The following UGT3A1 variants were observed in gnomAD, a reference collection of about 807,000 sequenced individuals.
UGT3A1 encodes UDP glycosyltransferase family 3 member A1.
Under a neutral mutation model 37.6 loss-of-function variants are expected in UGT3A1, and 40 were observed. The ratio of observed to expected loss-of-function variants is 1.06; its 90% confidence interval spans 0.83 to 1.38. UGT3A1 has a LOEUF of 1.38. Ranked by LOEUF, UGT3A1 falls within the 40% of genes most tolerant of loss-of-function variation. The pLI, the probability that UGT3A1 is intolerant of heterozygous loss-of-function variation, is 0.00. For missense variants in UGT3A1, 642 were observed against 634.2 expected (o/e 1.01, Z -0.13); for synonymous variants, 256 against 232.3 (o/e 1.10, Z -0.93).
chr5:35,967,964 T>G, intron 3 of UGT3A1, 55 bp downstream of exon 3: 3 of 1,342,948 alleles, frequency 2.2e-6, no homozygotes, highest in Non-Finnish European at 3.2e-6. Context: ...ATCTCTCTAT[T>G]CATTTGTATC....
At chr5:35,957,458 G>T in intron 4 of UGT3A1, 39 bp from the exon 5 acceptor site, 5 of 1,551,866 alleles carry the variant, frequency 3.2e-6, no homozygotes, top group Non-Finnish European at 4.4e-6. Context: ...TGGCAAAATT[G>T]AGAACGCCTA....
chr5:35,997,837 CAGTT>C (rs915449004), intron 1 of UGT3A1, among the ~76,000 whole-genome samples: 4 of 152,248 alleles, frequency 2.6e-5, no homozygotes, highest in African/African-American at 9.6e-5. Flanking sequence ...TTTACTCAAA[CAGTT>C]AGCCATCAAG....
intron 1 of UGT3A1, among the ~76,000 whole-genome samples, chr5:35,999,000 G>A (rs928552306): frequency 6.6e-6 from 1 of 152,064 alleles, no homozygotes; most frequent in African/African-American, 2.4e-5. Context: ...ACTTTCGGAG[G>A]CCAAGGTAGG....
chr5:35,988,927 A>G (rs1345437914), intron 1 of UGT3A1, among the ~76,000 whole-genome samples: 1 of 152,210 alleles, frequency 6.6e-6, no homozygotes, highest in East Asian at 1.9e-4. Context: ...CCAAAATATA[A>G]CTGCAATGAT....
intron 4 of UGT3A1, chr5:35,962,064 C>T (rs1739608704): frequency 1.3e-5 from 2 of 152,174 alleles, no homozygotes; most frequent in South Asian, 4.1e-4. Context: ...ACTGGTACTG[C>T]TTCTCTTCCA....
chr5:35,990,891 G>C (rs1211111188), intron 1 of UGT3A1: 51 of 1,307,154 alleles, frequency 3.9e-5, no homozygotes, highest in Middle Eastern at 3.0e-4. Context: ...CCAGTCCTGC[G>C]GGACGGGGAG....
chr5:35,955,321 A>C, intron 6 of UGT3A1: 1 of 530,412 alleles, frequency 1.9e-6, no homozygotes, highest in South Asian at 2.5e-5. Context: ...GAGCAGGCAC[A>C]CTGGGGAAAC....
chr5:35,983,367 C>T (rs1377137641), intron 2 of UGT3A1, among the ~76,000 whole-genome samples: 5 of 151,956 alleles, frequency 3.3e-5, no homozygotes, highest in African/African-American at 1.2e-4. Flanking sequence ...AATAGAAAAC[C>T]TCAACAAACT....
intron 2 of UGT3A1, among the ~76,000 whole-genome samples, chr5:35,971,029 G>A (rs1472412620): frequency 6.6e-6 from 1 of 152,110 alleles, no homozygotes; most frequent in South Asian, 2.1e-4. Flanking sequence ...ATTTCAATAG[G>A]ATCTCAGTCA....
chr5:35,957,306 G>A lies in UGT3A1; in HGVS notation c.957C>T (p.Ala319=), dbSNP rs535123396. The A allele has an allele frequency of 6.2e-7, 1 of 1,614,180 alleles. No homozygotes were observed. The highest frequency in any genetic ancestry group is 1.1e-5 in the South Asian group (1 of 91,080). The change falls in exon 5 of 7, where the codon GCC becomes GCT. Residue 319 remains alanine (A), a synonymous_variant. Transcript: ENST00000274278. Reference sequence around the variant, plus strand: ...TCACTCCTTGAGGGAGGTGGGCAAAGGCATTGTGCATCTTCTTGAGGACTT... The same window carrying A: ...TCACTCCTTGAGGGAGGTGGGCAAAAGCATTGTGCATCTTCTTGAGGACTT... ...SQEVLKKMHN[A]FAHLPQGVIW... is the part of the protein sequence containing the mutation.
chr5:35,977,074 A>AAAAG lies in UGT3A1; in HGVS notation c.197-8945_197-8942dup, dbSNP rs1193872020. Among the ~76,000 whole-genome samples, 436 of 127,330 alleles carry AAAAG rather than the reference A, an allele frequency of 3.4e-3. 19 individuals carry two copies. Among genetic ancestry groups the AAAAG allele is most frequent in the African/African-American group, 0.013 (417 of 31,832 alleles). 83.5% of individuals were successfully genotyped at this position (127,330 alleles called of 152,430 possible). On this transcript the variant is annotated intron_variant, in intron 2 of 6. Coordinates refer to ENST00000274278, the MANE Select transcript of UGT3A1 (RefSeq NM_152404.4). ...AAAGAGAAGAGAAAGAGAAAGAAAG[A>AAAAG]AAAGAAAGAAAGAAAGAGAAAGAAA...
upstream of UGT3A1, among the ~76,000 whole-genome samples, chr5:35,996,010 C>A (rs1279387682): frequency 6.8e-6 from 1 of 147,306 alleles, no homozygotes; most frequent in African/African-American, 2.5e-5. Flanking sequence ...GATCAAATAT[C>A]CTGCGCTATG....
chr5:35,986,301 G>A (rs1580960464), intron 2 of UGT3A1, among the ~76,000 whole-genome samples: 1 of 152,034 alleles, frequency 6.6e-6, no homozygotes, highest in Non-Finnish European at 1.5e-5. Context: ...ACCATATGAT[G>A]CAGCAATTCC....
chr5:35,993,405 A>T (rs1487101702), upstream of UGT3A1, among the ~76,000 whole-genome samples: 2 of 151,984 alleles, frequency 1.3e-5, no homozygotes, highest in Non-Finnish European at 2.9e-5. Flanking sequence ...CGGAGGTTGC[A>T]GTGAGCCAAG....
At chr5:35,994,711 G>A (rs1413012894), upstream of UGT3A1, among the ~76,000 whole-genome samples, 1 of 152,180 alleles carries the variant, frequency 6.6e-6, no homozygotes. Flanking sequence ...GGTTGTGATG[G>A]CCCTGAAAAG....
chr5:35,973,186 A>C (rs534035301), intron 2 of UGT3A1, among the ~76,000 whole-genome samples: 2 of 152,214 alleles, frequency 1.3e-5, no homozygotes, highest in East Asian at 3.8e-4. Context: ...GAAACTGTAC[A>C]GTCTCTTTCT....
chr5:35,979,426 T>G (rs1038044860), intron 2 of UGT3A1, among the ~76,000 whole-genome samples: 2 of 152,108 alleles, frequency 1.3e-5, no homozygotes, highest in Non-Finnish European at 2.9e-5. Context: ...CCCTAAATCA[T>G]CTCCCTCAAG....
intron 5 of UGT3A1, 68 bp downstream of exon 5, chr5:35,957,120 G>A: frequency 1.5e-6 from 2 of 1,375,134 alleles, no homozygotes; most frequent in Non-Finnish European, 2.1e-6. Context: ...CCAGCTAGAG[G>A]TCAGAACACT....
At chr5:35,987,040 T>C (rs1740755658) in intron 2 of UGT3A1, among the ~76,000 whole-genome samples, 2 of 152,120 alleles carry the variant, frequency 1.3e-5, no homozygotes, top group African/African-American at 4.8e-5. Flanking sequence ...GCTGCTATCC[T>C]ATACGTGAGA....
Sources: gnomAD v4.1 joint callset for allele counts (sites outside exome capture counted in the v4.1 genomes callset) on GRCh38, gnomAD v4.1.1 for gene constraint, MANE v1.5 for transcripts, NCBI Gene and HGNC (gene_info 2026-07-23, HGNC 2026-07-21) for gene names.